TSHZ2: variants seen among roughly 807,000 people sequenced by gnomAD.
TSHZ2 encodes teashirt homolog 2.
Under a neutral mutation model 74.4 loss-of-function variants are expected in TSHZ2, and 21 were observed. The ratio of observed to expected loss-of-function variants is 0.28; its 90% CI spans 0.20 to 0.41. The LOEUF is 0.41. Among genes scored for constraint, TSHZ2 ranks in the 10% least tolerant of loss-of-function variants. The probability of loss-of-function intolerance (pLI) is 1.00; values close to 1 mark genes in which losing one functional copy is unlikely to be tolerated. For synonymous variants in TSHZ2, 540 were observed against 515.3 expected (o/e 1.05, Z -0.65); for missense variants, 1,244 against 1,293.5 (o/e 0.96, Z 0.59).
chr20:53,151,484 A>G (rs1987676138), intron 1 of TSHZ2, among the ~76,000 whole-genome samples: 1 of 152,322 alleles, frequency 6.6e-6, no homozygotes, highest in African/African-American at 2.4e-5. Flanking sequence ...TCTTAGAAAG[A>G]GAATATGGTA....
In TSHZ2 at chr20:53,475,776, A is replaced by C. The variant is rs1296096438; in HGVS notation, c.*9-11368A>C. Among the ~76,000 whole-genome samples the C allele has an allele frequency of 2.1e-5, 3 of 141,236 alleles. No individual in the cohort carries two copies. The South Asian group carries it at 7.0e-4, about 33-fold the overall frequency. The allele number at this position is 141,236 out of a possible 152,430, so 92.7% of individuals were successfully genotyped here. A position where few individuals can be genotyped will look rare whatever the true frequency, so the allele number is the denominator to read the frequency against. ...TAGACCACTAGCAAGACTAATAAAG[A>C]AGAAAAGAGAGAAGAATCAAATAGA... On this transcript the variant is annotated intron_variant, in intron 2 of 2. Coordinates refer to ENST00000371497, the MANE Select transcript of TSHZ2 (RefSeq NM_173485.6).
intron 1 of TSHZ2, among the ~76,000 whole-genome samples, chr20:53,174,467 T>C (rs1988277013): frequency 6.6e-6 from 1 of 152,158 alleles, no homozygotes; most frequent in Non-Finnish European, 1.5e-5. Context: ...TTAATTAAAT[T>C]GGGGCCAGTG....
intron 2 of TSHZ2, among the ~76,000 whole-genome samples, chr20:53,289,799 A>G (rs897313855): frequency 5.9e-5 from 9 of 152,254 alleles, no homozygotes; most frequent in Non-Finnish European, 1.3e-4. Flanking sequence ...GCTAAGTCAT[A>G]AAAAGAATAA....
chr20:53,294,118 G>T (rs1991332875), intron 2 of TSHZ2, among the ~76,000 whole-genome samples: 1 of 152,098 alleles, frequency 6.6e-6, no homozygotes, highest in Admixed American at 6.5e-5. Flanking sequence ...GCGCACACAG[G>T]CAGCTGTCAT....
chr20:53,092,414 C>T (rs913507108), intron 1 of TSHZ2, among the ~76,000 whole-genome samples: 26 of 152,254 alleles, frequency 1.7e-4, no homozygotes, highest in Non-Finnish European at 2.6e-4. Context: ...TCATATTACC[C>T]GTTGACTGTG....
chr20:53,175,105 TCTC>T (rs942826484), intron 1 of TSHZ2, among the ~76,000 whole-genome samples: 5 of 150,688 alleles, frequency 3.3e-5, no homozygotes, highest in African/African-American at 7.3e-5. Flanking sequence ...GGCTTTTTCT[TCTC>T]CTTCTCCTCC....
intron 1 of TSHZ2, among the ~76,000 whole-genome samples, chr20:53,008,980 CCTCTCTCTCTCTCTCTCTCTCT>C (rs55692015): frequency 0.069 from 8,954 of 130,520 alleles, 297 homozygotes; most frequent in South Asian, 0.11. Context: ...TTGTCTTTCT[CCTCTCTCTCTCTCTCTCTCTCT>C]CTCTCTCTCT....
chr20:53,211,817 G>A (rs1989312843), intron 1 of TSHZ2, among the ~76,000 whole-genome samples: 1 of 152,150 alleles, frequency 6.6e-6, no homozygotes, highest in South Asian at 2.1e-4. Flanking sequence ...GGTTTGGGCT[G>A]CCAGTGTACC....
chr20:53,310,532 T>A (rs1978736667), intron 2 of TSHZ2, among the ~76,000 whole-genome samples: 1 of 152,226 alleles, frequency 6.6e-6, no homozygotes, highest in Non-Finnish European at 1.5e-5. Flanking sequence ...AAGATTGCAA[T>A]CCAGGCTTTG....
chr20:53,201,016 A>AT (rs199964279), intron 1 of TSHZ2, among the ~76,000 whole-genome samples: 27,132 of 149,318 alleles, frequency 0.18, 2,547 homozygotes, highest in East Asian at 0.29. Context: ...TTTTCCATTA[A>AT]TTTTTTTTTT....
Position 53,487,759 on chromosome 20 carries a change from C to T in TSHZ2, c.*624C>T. 6.6e-6 allele frequency: 1 copy of T among 152,284 alleles called. No homozygotes were observed. Among genetic ancestry groups the T allele is most frequent in the Middle Eastern group, 3.4e-3 (1 of 294 alleles). 9.4% of individuals were successfully genotyped at this position (152,284 alleles called of 1,614,324 possible). ...AAAGTAGAAGAATTATTAAGTTAAA[C>T]CAGAGTTTGAGCCAAGAAAACCCCT... On this transcript the variant is annotated 3_prime_UTR_variant, in exon 3 of 3. Coordinates refer to ENST00000371497, the MANE Select transcript of TSHZ2 (RefSeq NM_173485.6).
chr20:53,364,548 A>G (rs1277962362), intron 2 of TSHZ2, among the ~76,000 whole-genome samples: 1 of 152,204 alleles, frequency 6.6e-6, no homozygotes, highest in Admixed American at 6.5e-5. Context: ...TTGTCCAGCC[A>G]GTTTTCTCTT....
At chr20:53,039,781 A>AACACACACACAC (rs61356112) in intron 1 of TSHZ2, among the ~76,000 whole-genome samples, 2 of 149,590 alleles carry the variant, frequency 1.3e-5, no homozygotes, top group African/African-American at 2.5e-5. Context: ...CTCCATCTCA[A>AACACACACACAC]ACACACACAC....
chr20:53,291,305 C>T (rs1600792974), intron 2 of TSHZ2, among the ~76,000 whole-genome samples: 1 of 151,998 alleles, frequency 6.6e-6, no homozygotes, highest in African/African-American at 2.4e-5. Flanking sequence ...AACCCAGTCT[C>T]TACTAAAAAT....
chr20:53,322,374 G>A (rs1411137235), intron 2 of TSHZ2, among the ~76,000 whole-genome samples: 4 of 152,044 alleles, frequency 2.6e-5, no homozygotes, highest in East Asian at 1.9e-4. Context: ...TTAGCTAGGC[G>A]TGGTGGCAGG....
At chr20:53,027,893 A>T (rs896363863) in intron 1 of TSHZ2, among the ~76,000 whole-genome samples, 3 of 152,060 alleles carry the variant, frequency 2.0e-5, no homozygotes, top group Admixed American at 6.6e-5. Context: ...TATTTTTTTT[A>T]AAAAAGAAAA....
intron 2 of TSHZ2, among the ~76,000 whole-genome samples, chr20:53,431,423 T>C (rs537304233): frequency 8.8e-5 from 13 of 147,914 alleles, no homozygotes; most frequent in African/African-American, 3.3e-4. Flanking sequence ...GCCAGTGCAC[T>C]CCAGCCTGGG....
intron 1 of TSHZ2, among the ~76,000 whole-genome samples, chr20:53,017,964 A>T (rs1330188798): frequency 2.0e-5 from 3 of 152,202 alleles, no homozygotes; most frequent in Non-Finnish European, 4.4e-5. Context: ...AAATCATGGA[A>T]CTTACCTAGG....
In TSHZ2 at chr20:53,256,383, G is replaced by A. The variant is rs745892507; in HGVS notation, c.2925G>A (p.Ser975=). Residue 975 remains serine (S), a synonymous_variant, in exon 2 of 3, where the codon TCG becomes TCA. Transcript: ENST00000371497. The surrounding 1 kb of genome is among the most constrained non-coding windows in gnomAD (Gnocchi z 4.3). ...TGGAGCAAGAGATCTCCCGGGTATC[G>A]TCGGCTCAGAGGTCTCCAGAAACAA... ...SKVEQEISRV[S]SAQRSPETIA... is the part of the protein sequence containing the mutation. 28 of 1,613,204 alleles carry A rather than the reference G, an allele frequency of 1.7e-5. No homozygotes were observed. The highest frequency in any genetic ancestry group is 1.6e-4 in the Middle Eastern group (1 of 6,082).
Sources: gnomAD v4.1 joint callset for allele counts (sites outside exome capture counted in the v4.1 genomes callset) on GRCh38, gnomAD v4.1.1 for gene constraint, Gnocchi (gnomAD v3.1) non-coding constraint, MANE v1.5 for transcripts, NCBI Gene and HGNC (gene_info 2026-07-23, HGNC 2026-07-21) for gene names.